The following RTN4 variants were observed in gnomAD, a reference collection of about 807,000 sequenced individuals.
RTN4 encodes the protein reticulon-4.
RTN4 carries 32 observed loss-of-function variants against 90.4 expected under a neutral mutation model. That is an observed-to-expected ratio of 0.35 (90% confidence interval 0.27 to 0.48). RTN4 has a LOEUF of 0.48. Ranked by LOEUF, RTN4 falls within the 20% of genes least tolerant of loss-of-function variation. RTN4 has a pLI of 0.99. For missense variants in RTN4, 1,706 were observed against 1,430.2 expected, an observed-to-expected ratio of 1.19 and a Z score of -3.11; for synonymous variants, 629 against 552.5, an observed-to-expected ratio of 1.14 and a Z score of -1.94.
chr2:54,978,576 A>AG (rs1306489615), intron 5 of RTN4, among the ~76,000 whole-genome samples: 2 of 152,190 alleles, frequency 1.3e-5, no homozygotes, highest in African/African-American at 4.8e-5. Flanking sequence ...TGTTGTTTAA[A>AG]AACTATTATT....
chr2:55,071,092 T>C (rs1361515673), intron 2 of RTN4, among the ~76,000 whole-genome samples: 1 of 151,784 alleles, frequency 6.6e-6, no homozygotes, highest in African/African-American at 2.4e-5. Context: ...TTCTTCTTTT[T>C]TTTTTTTTAA....
At chr2:55,018,246 C>A (rs945271109) in intron 3 of RTN4, among the ~76,000 whole-genome samples, 1 of 152,054 alleles carries the variant, frequency 6.6e-6, no homozygotes, top group African/African-American at 2.4e-5. Flanking sequence ...GATAGTCTTC[C>A]CTTTCCAGAT....
chr2:55,109,408 C>A (rs1381182244), intron 1 of RTN4, among the ~76,000 whole-genome samples: 1 of 152,140 alleles, frequency 6.6e-6, no homozygotes, highest in Non-Finnish European at 1.5e-5. Flanking sequence ...ATTAACTGTG[C>A]TTACAAAAGC....
intron 2 of RTN4, among the ~76,000 whole-genome samples, chr2:55,077,246 C>T (rs531453660): frequency 1.4e-4 from 22 of 151,852 alleles, no homozygotes; most frequent in Non-Finnish European, 3.1e-4. Flanking sequence ...ATCTCCTGAC[C>T]TCGTGATCCT....
At chr2:55,126,100 A>C in the RTN4 span, among the ~76,000 whole-genome samples, 2 of 150,566 alleles carry the variant, frequency 1.3e-5, no homozygotes, top group African/African-American at 4.9e-5. Context: ...ATGGTGGCTC[A>C]TGCCTGTAAT....
intron 1 of RTN4, among the ~76,000 whole-genome samples, chr2:55,093,369 C>T (rs552096677): frequency 1.4e-5 from 2 of 147,248 alleles, no homozygotes; most frequent in Non-Finnish European, 3.0e-5. Context: ...GTATTTTATA[C>T]TTAAATAATT....
In RTN4 at chr2:55,050,103, G is replaced by C; in HGVS notation, c.198C>G (p.Ala66=). ...CGGCGGCAGGGGCGGTGGGCACTGG[G>C]GCCGCGGACAGCCCGGCGGCGGGCT... The part of the protein sequence containing the change: ...ERKPAAGLSA[A]PVPTAPAAGA... The change falls in exon 1 of 9, where the codon GCC becomes GCG. Residue 66 remains alanine, a synonymous_variant. Coordinates refer to ENST00000337526, the MANE Select transcript of RTN4 (RefSeq NM_020532.5). The surrounding 1 kb of genome is among the most constrained non-coding windows in gnomAD (Gnocchi z 4.6). 1 of 1,494,326 alleles carries C rather than the reference G, an allele frequency of 6.7e-7. No individual in the cohort carries two copies. Among genetic ancestry groups the C allele is most frequent in the Middle Eastern group, 1.9e-4 (1 of 5,326 alleles). 92.6% of individuals were successfully genotyped at this position (1,494,326 alleles called of 1,614,324 possible). A position where few individuals can be genotyped will look rare whatever the true frequency, so the allele number is the denominator to read the frequency against.
intron 1 of RTN4, among the ~76,000 whole-genome samples, chr2:55,105,701 T>C (rs946744561): frequency 1.3e-5 from 2 of 152,110 alleles, no homozygotes; most frequent in Non-Finnish European, 2.9e-5. Context: ...CTGAGTGTGG[T>C]GGCTCATGCC....
intron 5 of RTN4, among the ~76,000 whole-genome samples, chr2:54,975,691 C>G (rs1373857916): frequency 1.3e-5 from 2 of 152,226 alleles, no homozygotes; most frequent in Non-Finnish European, 2.9e-5. Flanking sequence ...AAGCATATAT[C>G]TTTCTCCATG....
intron 6 of RTN4, chr2:54,974,128 G>T (rs896481784): frequency 7.7e-6 from 3 of 387,942 alleles, no homozygotes; most frequent in East Asian, 5.2e-5. Flanking sequence ...ATAAAATAAA[G>T]GTATCCCTGG....
chr2:55,073,616 T>G (rs1218832439), intron 2 of RTN4, among the ~76,000 whole-genome samples: 1 of 152,226 alleles, frequency 6.6e-6, no homozygotes, highest in Non-Finnish European at 1.5e-5. Flanking sequence ...TATGTCAATG[T>G]GCAAATTTCC....
rs563348853 is a variant in RTN4 at position 55,109,754 on chromosome 2, C to T, written c.-214+2766G>A. ...TAGTGACTCAGAGCATATGTTGACC[C>T]GAGTGCCCTTTGGCAAACAGGAGCT... On this transcript the variant is annotated intron_variant, in intron 1 of 3. Coordinates refer to the RTN4 transcript ENST00000427710. 3.0e-4 allele frequency among the ~76,000 whole-genome samples: 45 copies of T among 152,234 alleles called. No homozygotes were observed. The Middle Eastern group carries it at 0.01, about 35-fold the overall frequency.
chr2:55,127,533 C>T, the RTN4 span, among the ~76,000 whole-genome samples: 10 of 152,220 alleles, frequency 6.6e-5, no homozygotes, highest in South Asian at 2.1e-4. Flanking sequence ...TGTCCCCAAA[C>T]GCTAAGTCCA....
At position 55,061,214 on chromosome 2, in the gene RTN4, C is replaced by T. The variant is rs144581443; in HGVS notation, c.-63+19275G>A. The stretch of plus-strand genomic sequence containing the variant: ...CCAAGTAGCTGGGGTTACAGGCGCA[C>T]GCCACCACACCCAGCTGATTTGTAT... On this transcript the variant is annotated intron_variant, in intron 2 of 3. Transcript: ENST00000427710. Among the ~76,000 whole-genome samples the T allele has an allele frequency of 1.2e-3, 187 of 152,024 alleles. 1 individual carries two copies. Among genetic ancestry groups the T allele is most frequent in the African/African-American group, 3.8e-3 (157 of 41,482 alleles).
At chr2:55,019,152 A>T (rs1388353234) in intron 3 of RTN4, among the ~76,000 whole-genome samples, 1 of 152,182 alleles carries the variant, frequency 6.6e-6, no homozygotes, top group African/African-American at 2.4e-5. Flanking sequence ...AAGAAAATGG[A>T]AATTCACGGA....
intron 1 of RTN4, among the ~76,000 whole-genome samples, chr2:55,095,323 CA>C (rs1328611450): frequency 1.7e-4 from 24 of 138,744 alleles, no homozygotes; most frequent in Non-Finnish European, 1.6e-4. Flanking sequence ...GATCCTGTCT[CA>C]AAAAAAAAAA....
chr2:55,124,847 T>C, the RTN4 span, among the ~76,000 whole-genome samples: 1 of 152,210 alleles, frequency 6.6e-6, no homozygotes, highest in Non-Finnish European at 1.5e-5. Context: ...AACAGCATGG[T>C]ACTGGTACAA....
chr2:55,050,784 G>A, upstream of RTN4: 1 of 146,076 alleles, frequency 6.8e-6, no homozygotes, highest in East Asian at 2.1e-4. This position sits in a 1 kb window ranked among gnomAD's most constrained non-coding sequence, Gnocchi z 4.6. Context: ...GGGTAACCGT[G>A]AGTTGGGGTG....
At chr2:55,044,170 G>A (rs975510004) in intron 1 of RTN4, among the ~76,000 whole-genome samples, 12 of 152,156 alleles carry the variant, frequency 7.9e-5, no homozygotes, top group African/African-American at 2.7e-4. Context: ...ACTTTAGCCT[G>A]GGTGAAAGAG....
Sources: gnomAD v4.1 joint callset for allele counts (sites outside exome capture counted in the v4.1 genomes callset) on GRCh38, gnomAD v4.1.1 for gene constraint, Gnocchi (gnomAD v3.1) non-coding constraint, MANE v1.5 for transcripts, NCBI Gene and HGNC (gene_info 2026-07-23, HGNC 2026-07-21) for gene names.